Variants in HIP1R observed in about 807,000 individuals in gnomAD.
HIP1R encodes huntingtin-interacting protein 1-related protein.
HIP1R carries 135 observed loss-of-function variants against 144.2 expected under a neutral mutation model. The ratio of observed to expected loss-of-function variants is 0.94; its 90% CI spans 0.81 to 1.08. The LOEUF is 1.08. Ranked by LOEUF, HIP1R falls within the 50% of genes least tolerant of loss-of-function variation. HIP1R has a pLI of 0.00. For missense variants in HIP1R, 1,462 were observed against 1,432.8 expected, an observed-to-expected ratio of 1.02 and a Z score of -0.33; for synonymous variants, 698 against 612.8, an observed-to-expected ratio of 1.14 and a Z score of -2.05.
chr12:122,861,591 T>C (rs1301589934), intron 31 of HIP1R, 77 bp downstream of exon 31: 5 of 1,573,652 alleles, frequency 3.2e-6, no homozygotes, highest in Non-Finnish European at 3.5e-6. Context: ...ATGGTGCACG[T>C]CCCTGGGGAA....
Position 122,856,437 on chromosome 12 carries a change from G to A in HIP1R, c.1407G>A (p.Ala469=), listed in dbSNP as rs767305459. The A allele has an allele frequency of 4.1e-5, 65 of 1,595,068 alleles. No homozygotes were observed. Among genetic ancestry groups the A allele is most frequent in the Non-Finnish European group, 5.0e-5 (59 of 1,170,790 alleles). The part of the protein sequence containing the change: ...HVHAELLRKN[A]DTAKQLTVTQ... ...CCCTTCCCCTGCCCATGCAGAACGC[G>A]GACACAGCCAAGCAGCTGACGGTGA... Residue 469 remains alanine (A), a synonymous_variant, in exon 16 of 32, where the codon GCG becomes GCA. Transcript: ENST00000253083.
At chr12:122,855,714 A>C in intron 12 of HIP1R, 102 bp downstream of exon 12, 1 of 1,510,800 alleles carries the variant, frequency 6.6e-7, no homozygotes, top group Non-Finnish European at 9.0e-7. Context: ...GGTGGGGAAC[A>C]TGAACCCGTG....
chr12:122,860,026 GTC>G lies in HIP1R; in HGVS notation c.2466-16_2466-15del, dbSNP rs1208357996. ...GGCTGCTCTGCAGAGCGGCAGCTAA[GTC>G]TCTCCTTCTCTCCCCCAGGATCCTC... On this transcript the variant is annotated intron_variant, in intron 24 of 31. Transcript: ENST00000253083. 6 of 1,549,112 alleles carry G rather than the reference GTC, an allele frequency of 3.9e-6. No homozygotes were observed. In the African/African-American group the frequency reaches 5.5e-5, roughly 14 times the overall value.
At chr12:122,860,385 G>T in intron 26 of HIP1R, 38 bp from the exon 27 acceptor site, 1 of 1,607,210 alleles carries the variant, frequency 6.2e-7, no homozygotes, top group South Asian at 1.1e-5. Flanking sequence ...TGGTGTCCTT[G>T]ACTGGCATGT....
chr12:122,847,309 G>C (rs1347894252), intron 1 of HIP1R, among the ~76,000 whole-genome samples: 2 of 152,196 alleles, frequency 1.3e-5, no homozygotes, highest in African/African-American at 4.8e-5. Flanking sequence ...GGGGCGGGGG[G>C]GGAGGGGTGA....
At chr12:122,841,687 G>T (rs2033064339) in intron 1 of HIP1R, among the ~76,000 whole-genome samples, 1 of 152,140 alleles carries the variant, frequency 6.6e-6, no homozygotes, top group African/African-American at 2.4e-5. Context: ...GGGACAGACG[G>T]GTTTGTGGAG....
Position 122,861,523 on chromosome 12 carries a change from T to C in HIP1R, c.3159+9T>C, listed in dbSNP as rs537862093. 82 of 1,606,700 alleles carry C rather than the reference T, an allele frequency of 5.1e-5. No individual in the cohort carries two copies. In the South Asian group the frequency reaches 8.7e-4, roughly 17 times the overall value. On this transcript the variant is annotated intron_variant, in intron 31 of 31. Transcript: ENST00000253083. ...CCAGACAGGACCACCAGGTGCCGTC[T>C]GCACTGGGATGGGGGAGTTCCTGGA...
rs899802238 is a variant in HIP1R, at chr12:122,854,039, A to G, written c.578-4A>G. 3.1e-6 allele frequency: 5 copies of G among 1,612,792 alleles called. No homozygotes were observed. Among genetic ancestry groups the G allele is most frequent in the Non-Finnish European group, 4.2e-6 (5 of 1,179,454 alleles). On this transcript the variant is annotated splice_region_variant and splice_polypyrimidine_tract_variant and intron_variant, in intron 7 of 31. Transcript: ENST00000253083. ...ACGTTCTTCCTCCTGCCCCTTTTGC[A>G]CAGTTTTCCGACAGCTCAACACGGC...
rs1228751738 is a variant in HIP1R at position 122,862,548 on chromosome 12, CAGCCCTCCGGAGAGTGGGCTTGGCCCTA to C, written c.*796_*823del. 6.6e-6 allele frequency: 1 copy of C among 152,282 alleles called. No individual in the cohort carries two copies. Among genetic ancestry groups the C allele is most frequent in the African/African-American group, 2.4e-5 (1 of 41,452 alleles). 9.4% of individuals were successfully genotyped at this position (152,282 alleles called of 1,614,324 possible). A position where few individuals can be genotyped will look rare whatever the true frequency, so the allele number is the denominator to read the frequency against. ...ACTGCCCACCTGAAGGGGTGGTTTCCAGCCCTCCGGAGAGTGGGCTTGGCCCTAGGCCCTCCAGCTCAGCCAGAAAAAG... is the reference window on the plus strand; with the variant it reads ...ACTGCCCACCTGAAGGGGTGGTTTCCGGCCCTCCAGCTCAGCCAGAAAAAG... On this transcript the variant is annotated 3_prime_UTR_variant, in exon 32 of 32. Coordinates refer to ENST00000253083, the MANE Select transcript of HIP1R (RefSeq NM_003959.3).
chr12:122,859,634 C>A (rs934402901), intron 23 of HIP1R, 98 bp downstream of exon 23: 4 of 1,347,728 alleles, frequency 3.0e-6, no homozygotes, highest in East Asian at 2.4e-5. Flanking sequence ...CTCCTGCTCT[C>A]AGCCTCCAGA....
chr12:122,843,832 G>A (rs1034775760), intron 1 of HIP1R, among the ~76,000 whole-genome samples: 4 of 152,174 alleles, frequency 2.6e-5, no homozygotes, highest in African/African-American at 7.2e-5. Flanking sequence ...GGTGTCTCAC[G>A]GCGCTGTGGA....
At position 122,855,110 on chromosome 12, in the gene HIP1R, G is replaced by T. The variant is rs767873296; in HGVS notation, c.834G>T (p.Gln278His). The change falls in exon 10 of 32, where the codon CAG (glutamine) becomes CAT (histidine). Residue 278 changes from glutamine to histidine, a missense_variant. By Grantham distance (24) the Gln-to-His change is conservative. Coordinates refer to ENST00000253083, the MANE Select transcript of HIP1R (RefSeq NM_003959.3). ...SDMLYFKRLI[Q>H]IPRLPEGPPN... The stretch of plus-strand genomic sequence containing the variant: ...TGCTGTACTTCAAGCGGCTCATCCA[G>T]ATCCCCCGGCTGCCCGAGGTACCAC... The T allele has an allele frequency of 5.0e-6, 8 of 1,613,708 alleles. No individual in the cohort carries two copies. The highest frequency in any genetic ancestry group is 6.8e-6 in the Non-Finnish European group (8 of 1,180,020).
rs918777826 is a variant in HIP1R at position 122,860,284 on chromosome 12, A to C, written c.2559+74A>C. ...CAGCCTAGGCCACCCTGGGCATGAGACCCTCCACCCCCTACCACAGGGAGG... is the reference window on the plus strand; with the variant it reads ...CAGCCTAGGCCACCCTGGGCATGAGCCCCTCCACCCCCTACCACAGGGAGG... On this transcript the variant is annotated intron_variant, in intron 26 of 31. Transcript: ENST00000253083. 2.0e-6 allele frequency: 3 copies of C among 1,531,576 alleles called. No homozygotes were observed. The African/African-American group carries it at 4.1e-5, about 21-fold the overall frequency. 94.9% of individuals were successfully genotyped at this position (1,531,576 alleles called of 1,614,324 possible).
chr12:122,849,133 G>C (rs185994218), intron 4 of HIP1R, among the ~76,000 whole-genome samples: 3 of 152,376 alleles, frequency 2.0e-5, no homozygotes, highest in African/African-American at 7.2e-5. Flanking sequence ...CGGGCACCTC[G>C]GTGGTTAGAG....
intron 12 of HIP1R, 74 bp downstream of exon 12, chr12:122,855,686 C>G (rs1337210622): frequency 2.0e-6 from 3 of 1,531,724 alleles, no homozygotes; most frequent in Admixed American, 3.9e-5. Flanking sequence ...CTGGACAGTT[C>G]TGTCTGGAAA....
intron 1 of HIP1R, among the ~76,000 whole-genome samples, chr12:122,846,827 G>GC (rs2033224038): frequency 6.6e-6 from 1 of 152,208 alleles, no homozygotes; most frequent in Non-Finnish European, 1.5e-5. Context: ...ACCAGGTAGG[G>GC]CCCCCCAGCT....
chr12:122,851,004 TG>T, intron 6 of HIP1R, 93 bp downstream of exon 6: 1 of 1,117,786 alleles, frequency 8.9e-7, no homozygotes, highest in Non-Finnish European at 1.3e-6. Flanking sequence ...CATGGGGCAG[TG>T]GGGTTGAATG....
chr12:122,858,856 C>T lies in HIP1R; in HGVS notation c.2069C>T (p.Ala690Val), dbSNP rs1364784276. The T allele has an allele frequency of 6.2e-7, 1 of 1,613,166 alleles. No individual in the cohort carries two copies. The highest frequency in any genetic ancestry group is 1.3e-5 in the African/African-American group (1 of 75,074). The change falls in exon 21 of 32, where the codon GCA becomes GTA. Residue 690 changes from alanine (A) to valine (V), a missense_variant. Around this residue, in one of 2 missense-constraint regions of HIP1R, gnomAD observed 1,112 missense variants for 1,011.7 expected, o/e 1.10. Transcript: ENST00000253083. ...TSLADASALVAALTRFSHLAA... is the reference protein window; with the variant it reads ...TSLADASALVVALTRFSHLAA... The stretch of plus-strand genomic sequence containing the variant: ...CGCACAGACGCCTCCGCCCTGGTGG[C>T]AGCTCTGACCCGCTTCTCCCACCTG...
rs185463143 is a variant in HIP1R at position 122,857,201 on chromosome 12, C to T, written c.1801C>T (p.Arg601Trp). ...CCAGGAGCAGGGCGAGTTGCAGGGCCGGCTGGCAGAGAGGGTATGGCCTCC... is the reference window on the plus strand; with the variant it reads ...CCAGGAGCAGGGCGAGTTGCAGGGCTGGCTGGCAGAGAGGGTATGGCCTCC... ...SSQEQGELQG[R>W]LAERESQEQG... is the part of the protein sequence containing the mutation. The change falls in exon 18 of 32, where the codon CGG (arginine) becomes TGG (tryptophan). Residue 601 changes from arginine (R) to tryptophan (W), a missense_variant. Physicochemically the swap from Arg to Trp is moderately radical, Grantham distance 101 (BLOSUM62 -3). This residue lies in a region of HIP1R where 1,112 missense variants were observed against 1,011.7 expected (regional missense o/e 1.10). Coordinates refer to ENST00000253083, the MANE Select transcript of HIP1R (RefSeq NM_003959.3). 2.6e-5 allele frequency: 40 copies of T among 1,550,410 alleles called. No homozygotes were observed. The highest frequency in any genetic ancestry group is 4.1e-5 in the African/African-American group (3 of 73,170).
Sources: gnomAD v4.1 joint callset for allele counts (sites outside exome capture counted in the v4.1 genomes callset) on GRCh38, gnomAD v4.1.1 for gene constraint, gnomAD v4.1.1 regional missense constraint, MANE v1.5 for transcripts, NCBI Gene and HGNC (gene_info 2026-07-23, HGNC 2026-07-21) for gene names.